The following TMIE variants were observed in gnomAD, a reference collection of about 807,000 sequenced individuals.
TMIE encodes the protein transmembrane inner ear expressed protein.
Under a neutral mutation model 16.8 loss-of-function variants are expected in TMIE, and 14 were observed. The observed-to-expected ratio is 0.83, with a 90% confidence interval of 0.55 to 1.30. The LOEUF (loss-of-function observed/expected upper bound fraction) is 1.30, where lower values mean the gene tolerates loss of function less well. TMIE is among the 50% of genes most tolerant of loss of function. The probability of loss-of-function intolerance (pLI) is 0.00; values close to 1 mark genes in which losing one functional copy is unlikely to be tolerated. For synonymous variants in TMIE, 75 were observed against 87.2 expected, an observed-to-expected ratio of 0.86 and a Z score of 0.78; for missense variants, 204 against 205.9, an observed-to-expected ratio of 0.99 and a Z score of 0.06.
intron 1 of TMIE, among the ~76,000 whole-genome samples, chr3:46,704,210 C>A (rs1700514074): frequency 6.9e-6 from 1 of 145,092 alleles, no homozygotes; most frequent in Non-Finnish European, 1.5e-5. Flanking sequence ...TGAAGCATAT[C>A]CCCTAGACAC....
chr3:46,703,310 A>C lies in TMIE; in HGVS notation c.93+1730A>C, dbSNP rs75206503. Among the ~76,000 whole-genome samples the C allele has an allele frequency of 4.9e-3, 750 of 152,232 alleles. 4 individuals carry two copies. Among genetic ancestry groups the C allele is most frequent in the African/African-American group, 0.016 (669 of 41,544 alleles). On this transcript the variant is annotated intron_variant, in intron 1 of 3. Transcript: ENST00000643606. ...TCCACCCAAGACCCCTATCAGTAAG[A>C]GTAGGCCCAGCTCCACCCACATCAG... is the stretch of plus-strand genomic sequence containing the variant.
At chr3:46,695,379 G>A (rs772623469) in intron 1 of TMIE, among the ~76,000 whole-genome samples, 4 of 152,158 alleles carry the variant, frequency 2.6e-5, no homozygotes, top group African/African-American at 4.8e-5. Flanking sequence ...TCTCTGTAAC[G>A]TAGTGCCCCT....
chr3:46,701,534 C>CCGCACT lies in TMIE; in HGVS notation c.50_55dup (p.Ala17_Leu18dup). The CCGCACT allele has an allele frequency of 7.7e-7, 1 of 1,305,662 alleles. No homozygotes were observed. Among genetic ancestry groups the CCGCACT allele is most frequent in the South Asian group, 2.3e-5 (1 of 43,912 alleles). The allele number at this position is 1,305,662 out of a possible 1,614,324, so 80.9% of individuals were successfully genotyped here. A position where few individuals can be genotyped will look rare whatever the true frequency, so the allele number is the denominator to read the frequency against. ...GGTCCCCTCTGCGTGCTGGGCGGCG[C>CCGCACT]CGCACTCGGGGTGTGCCTCGCGGGG... is the stretch of plus-strand genomic sequence containing the variant. On this transcript the variant is annotated inframe_insertion, in exon 1 of 4. Coordinates refer to ENST00000643606, the MANE Select transcript of TMIE (RefSeq NM_147196.3). This position sits in a 1 kb window ranked among gnomAD's most constrained non-coding sequence, Gnocchi z 4.3.
At chr3:46,708,946 G>A (rs1009164471) in intron 2 of TMIE, among the ~76,000 whole-genome samples, 180 bp from the exon 3 acceptor site, 1 of 152,214 alleles carries the variant, frequency 6.6e-6, no homozygotes, top group African/African-American at 2.4e-5. Flanking sequence ...CCCTGCTTAG[G>A]AAAGCCACCT....
At chr3:46,705,666 G>A in intron 1 of TMIE, 124 bp from the exon 2 acceptor site, 2 of 827,462 alleles carry the variant, frequency 2.4e-6, no homozygotes, top group Admixed American at 3.8e-5. Flanking sequence ...GCATGCTTAA[G>A]AGAGTTGATT....
At position 46,708,032 on chromosome 3, in the gene TMIE, C is replaced by T. The variant is rs538652311; in HGVS notation, c.212-1094C>T. Among the ~76,000 whole-genome samples the T allele has an allele frequency of 6.4e-4, 98 of 152,348 alleles. 2 individuals are homozygous for T. Among genetic ancestry groups the T allele is most frequent in the South Asian group, 2.5e-3 (12 of 4,830 alleles). ...ATAGCTGGGGCCCTTGTGCAGCACC[C>T]TCCTCCAAGTGTATGCCTGGATGCT... On this transcript the variant is annotated intron_variant, in intron 2 of 3. Coordinates refer to ENST00000643606, the MANE Select transcript of TMIE (RefSeq NM_147196.3).
At chr3:46,702,839 C>T (rs1700494526) in intron 1 of TMIE, among the ~76,000 whole-genome samples, 1 of 152,116 alleles carries the variant, frequency 6.6e-6, no homozygotes, top group Non-Finnish European at 1.5e-5. Context: ...CTCCAGTGTC[C>T]CTGTAAGGGG....
At chr3:46,707,480 G>T (rs560310967) in intron 2 of TMIE, among the ~76,000 whole-genome samples, 1 of 152,172 alleles carries the variant, frequency 6.6e-6, no homozygotes, top group South Asian at 2.1e-4. Flanking sequence ...CCCTCTCCTG[G>T]GGGGAAACAT....
In TMIE at chr3:46,701,695, GA is replaced by G. The variant is rs1700480118; in HGVS notation, c.93+116del. 1.2e-6 allele frequency: 1 copy of G among 865,128 alleles called. No individual in the cohort carries two copies. The highest frequency in any genetic ancestry group is 1.8e-5 in the African/African-American group (1 of 56,936). 53.6% of individuals were successfully genotyped at this position (865,128 alleles called of 1,614,324 possible). ...GTTTGATCCCTTACTCTTGCCCTGA[GA>G]GATCCAGTCTCCCGGGCGATGCAGC... On this transcript the variant is annotated intron_variant, in intron 1 of 3. Coordinates refer to ENST00000643606, the MANE Select transcript of TMIE (RefSeq NM_147196.3). The surrounding 1 kb of genome is among the most constrained non-coding windows in gnomAD (Gnocchi z 4.3).
intron 2 of TMIE, 24 bp from the exon 3 acceptor site, chr3:46,709,102 A>C: frequency 6.2e-7 from 1 of 1,613,800 alleles, no homozygotes; most frequent in African/African-American, 1.3e-5. Context: ...AGCCCCAGCC[A>C]AGCCTGCTCT....
In TMIE at chr3:46,705,835, G is replaced by T. The variant is rs752838811; in HGVS notation, c.139G>T (p.Glu47Ter). The T allele has an allele frequency of 2.5e-6, 4 of 1,614,112 alleles. No individual in the cohort carries two copies. The highest frequency in any genetic ancestry group is 3.4e-6 in the Non-Finnish European group (4 of 1,180,050). ...GCCCAAGCCGCCTCCGCTGACCAAG[G>T]AGACAGTGGTGTTCTGGGACATGCG... ...PKPKPPPLTK[E>*]TVVFWDMRLW... The change falls in exon 2 of 4, where the codon GAG becomes TAG. Residue 47 changes from glutamate (E) to a stop codon, truncating the protein, a stop_gained. Transcript: ENST00000643606. LOFTEE classifies it high-confidence loss of function.
rs746110108 is a variant in TMIE, at chr3:46,709,740, G to A, written c.*52G>A. The A allele has an allele frequency of 1.9e-5, 31 of 1,609,850 alleles. No homozygotes were observed. The highest frequency in any genetic ancestry group is 2.2e-5 in the East Asian group (1 of 44,788). On this transcript the variant is annotated 3_prime_UTR_variant, in exon 4 of 4. Coordinates refer to ENST00000643606, the MANE Select transcript of TMIE (RefSeq NM_147196.3). The stretch of plus-strand genomic sequence containing the variant: ...GGGCCCTGGAGCTCAAGCCGTGGCC[G>A]GGGTCCAGGCATGTTGGACTCTGAG...
chr3:46,703,558 G>A (rs1240947159), intron 1 of TMIE, among the ~76,000 whole-genome samples: 1 of 152,158 alleles, frequency 6.6e-6, no homozygotes, highest in East Asian at 1.9e-4. Context: ...CCTCACACAT[G>A]TTCCCCAACT....
intron 1 of TMIE, 110 bp from the exon 2 acceptor site, chr3:46,705,680 G>T (rs757183635): frequency 9.9e-6 from 9 of 907,052 alleles, no homozygotes; most frequent in Non-Finnish European, 1.6e-5. Context: ...GTTGATTCTA[G>T]GAGATTCTGA....
At position 46,701,689 on chromosome 3, in the gene TMIE, C is replaced by A; in HGVS notation, c.93+109C>A. ...GAGCTTGTTTGATCCCTTACTCTTG[C>A]CCTGAGAGATCCAGTCTCCCGGGCG... On this transcript the variant is annotated intron_variant, in intron 1 of 3. Coordinates refer to ENST00000643606, the MANE Select transcript of TMIE (RefSeq NM_147196.3). This position sits in a 1 kb window ranked among gnomAD's most constrained non-coding sequence, Gnocchi z 4.3. The A allele has an allele frequency of 1.1e-6, 1 of 905,090 alleles. No individual in the cohort carries two copies. Among genetic ancestry groups the A allele is most frequent in the Non-Finnish European group, 1.5e-6 (1 of 686,134 alleles). The allele number at this position is 905,090 out of a possible 1,614,324, so 56.1% of individuals were successfully genotyped here.
intron 2 of TMIE, 115 bp downstream of exon 2, chr3:46,706,022 C>T (rs895207974): frequency 9.2e-7 from 1 of 1,092,592 alleles, no homozygotes; most frequent in African/African-American, 1.5e-5. Flanking sequence ...CAGGCACCCG[C>T]AGGAGACCCG....
chr3:46,709,799 A>T lies in TMIE; in HGVS notation c.*111A>T. 1 of 1,573,166 alleles carries T rather than the reference A, an allele frequency of 6.4e-7. No individual in the cohort carries two copies. Among genetic ancestry groups the T allele is most frequent in the East Asian group, 2.3e-5 (1 of 43,614 alleles). ...GGGACCACAGAGGCTGTGGTCAGAG[A>T]GGGAAGCTGAGGCCCATGGCCACAT... On this transcript the variant is annotated 3_prime_UTR_variant, in exon 4 of 4. Coordinates refer to ENST00000643606, the MANE Select transcript of TMIE (RefSeq NM_147196.3).
chr3:46,695,722 G>C (rs997162546), intron 1 of TMIE, among the ~76,000 whole-genome samples: 2 of 152,182 alleles, frequency 1.3e-5, no homozygotes, highest in Non-Finnish European at 2.9e-5. Context: ...GCTGAGGGAA[G>C]GCAGTGCTGC....
chr3:46,709,764 A>T lies in TMIE; in HGVS notation c.*76A>T, dbSNP rs2106788078. On this transcript the variant is annotated 3_prime_UTR_variant, in exon 4 of 4. Transcript: ENST00000643606. The stretch of plus-strand genomic sequence containing the variant: ...CGGGGTCCAGGCATGTTGGACTCTG[A>T]GCTCATTTGGGGACCACAGAGGCTG... 6.3e-6 allele frequency: 10 copies of T among 1,599,990 alleles called. No homozygotes were observed. The South Asian group carries it at 1.1e-4, about 18-fold the overall frequency.
Sources: allele counts gnomAD v4.1 joint callset (sites outside exome capture counted in the v4.1 genomes callset), GRCh38; gene constraint gnomAD v4.1.1; non-coding constraint Gnocchi (gnomAD v3.1); transcripts MANE v1.5; gene names NCBI Gene and HGNC (gene_info 2026-07-23, HGNC 2026-07-21).